TRERF1: variants seen among roughly 807,000 people sequenced by gnomAD.
TRERF1 encodes transcriptional regulating factor 1, also known as transcriptional-regulating factor 1.
In TRERF1, 27 loss-of-function variants were observed where a neutral mutation model predicts 122.9. That is an observed-to-expected ratio of 0.22 (90% CI 0.16 to 0.30). TRERF1 has a LOEUF of 0.30. Among genes scored for constraint, TRERF1 ranks in the 10% least tolerant of loss-of-function variants. The pLI is 1.00. For missense variants in TRERF1, 1,248 were observed against 1,560.3 expected, an observed-to-expected ratio of 0.80 and a Z score of 3.37; for synonymous variants, 636 against 641.7, an observed-to-expected ratio of 0.99 and a Z score of 0.13.
At chr6:42,451,746 C>T (rs1043817188) in intron 1 of TRERF1, among the ~76,000 whole-genome samples, 2 of 152,058 alleles carry the variant, frequency 1.3e-5, no homozygotes, top group Non-Finnish European at 2.9e-5. Flanking sequence ...AGCCCCCTTT[C>T]CCAGCCCTGC....
At chr6:42,312,592 T>C (rs1358613182) in intron 3 of TRERF1, among the ~76,000 whole-genome samples, 4 of 152,174 alleles carry the variant, frequency 2.6e-5, no homozygotes, top group African/African-American at 4.8e-5. Context: ...AAGCAGACAA[T>C]GCTGGCGCTG....
chr6:42,345,641 G>A (rs1768118977), intron 3 of TRERF1, among the ~76,000 whole-genome samples: 1 of 152,208 alleles, frequency 6.6e-6, no homozygotes, highest in Admixed American at 6.5e-5. Flanking sequence ...TCCAGAAAAT[G>A]TAAAGCTAAA....
exon 12 of TRERF1, chr6:42,256,793 G>A (rs1014385930): frequency 6.2e-7 from 1 of 1,614,226 alleles, no homozygotes; most frequent in Non-Finnish European, 8.5e-7. Flanking sequence ...CCTCCACCTG[G>A]CAATGCACTG....
At chr6:42,256,705 G>A in intron 12 of TRERF1, 23 bp downstream of exon 12, 17 of 1,598,262 alleles carry the variant, frequency 1.1e-5, no homozygotes, top group Non-Finnish European at 1.5e-5. Context: ...AATTTGTAAA[G>A]CCTCTTTTTC....
chr6:42,340,179 A>G (rs1208504304), intron 3 of TRERF1, among the ~76,000 whole-genome samples: 1 of 152,158 alleles, frequency 6.6e-6, no homozygotes, highest in Admixed American at 6.5e-5. Flanking sequence ...GAAATTACTC[A>G]TATTTTCAGG....
chr6:42,437,535 T>C (rs1785682558), intron 2 of TRERF1, among the ~76,000 whole-genome samples: 1 of 152,184 alleles, frequency 6.6e-6, no homozygotes, highest in South Asian at 2.1e-4. Context: ...AAAATGAGGC[T>C]CCAAGAGTTA....
rs571264767 is a variant in TRERF1, at chr6:42,385,120, G to C, written c.-453-22041C>G. Among the ~76,000 whole-genome samples the C allele has an allele frequency of 4.1e-3, 629 of 152,240 alleles. 1 individual carries two copies. Among genetic ancestry groups the C allele is most frequent in the Middle Eastern group, 0.01 (3 of 294 alleles). On this transcript the variant is annotated intron_variant, in intron 2 of 17. Coordinates refer to ENST00000372922, the Ensembl canonical transcript of TRERF1. ...AGCCTCCTGAGTAGCTGGGATTACA[G>C]GGTGTACCACCACGCCCGGCTAATT...
intron 2 of TRERF1, among the ~76,000 whole-genome samples, chr6:42,448,651 G>A (rs985267677): frequency 5.3e-5 from 8 of 152,152 alleles, no homozygotes; most frequent in African/African-American, 1.2e-4. Flanking sequence ...GGGAACTCAC[G>A]GATCAAACCA....
intron 2 of TRERF1, among the ~76,000 whole-genome samples, chr6:42,403,049 T>C (rs953566059): frequency 6.6e-6 from 1 of 151,606 alleles, no homozygotes; most frequent in Admixed American, 6.6e-5. Context: ...ACAGGGACAA[T>C]AAAGAAAGTA....
exon 7 of TRERF1, chr6:42,264,705 T>G (rs2149846132): frequency 7.4e-6 from 12 of 1,613,930 alleles, no homozygotes; most frequent in Non-Finnish European, 1.0e-5. Context: ...CCTGCTAACC[T>G]GTTTGAGGTT....
intron 2 of TRERF1, among the ~76,000 whole-genome samples, chr6:42,430,650 C>T (rs564744951): frequency 5.9e-5 from 9 of 152,218 alleles, no homozygotes; most frequent in African/African-American, 2.2e-4. Context: ...AATCCCAGCA[C>T]TTTGGGAGGC....
intron 5 of TRERF1, 37 bp from the exon 6 acceptor site, chr6:42,265,834 G>T: frequency 6.2e-7 from 1 of 1,607,764 alleles, no homozygotes; most frequent in Non-Finnish European, 8.5e-7. Flanking sequence ...AAAAAAAGAA[G>T]AGAAAAAAAC....
chr6:42,315,702 C>T (rs1356798741), intron 3 of TRERF1, among the ~76,000 whole-genome samples: 1 of 125,452 alleles, frequency 8.0e-6, no homozygotes, highest in Non-Finnish European at 1.7e-5. Flanking sequence ...GGGAGAGGAA[C>T]ACCACCCCCC....
Position 42,416,405 on chromosome 6 carries a change from C to A in TRERF1, c.-454+34772G>T, listed in dbSNP as rs141324171. Among the ~76,000 whole-genome samples the A allele has an allele frequency of 1.2e-4, 18 of 152,286 alleles. No homozygotes were observed. In the East Asian group the frequency reaches 2.9e-3, roughly 24 times the overall value. On this transcript the variant is annotated intron_variant, in intron 2 of 17. Coordinates refer to ENST00000372922, the Ensembl canonical transcript of TRERF1. ...AGGAGGTATCCAATTATTTCTATAGCAGTTTTTATTAGAAACGGATGTGTA... is the reference window on the plus strand; with the variant it reads ...AGGAGGTATCCAATTATTTCTATAGAAGTTTTTATTAGAAACGGATGTGTA...
chr6:42,416,005 G>C (rs577957388), intron 2 of TRERF1, among the ~76,000 whole-genome samples: 3 of 152,088 alleles, frequency 2.0e-5, no homozygotes, highest in African/African-American at 7.2e-5. Flanking sequence ...TGGTAGTGCT[G>C]AGATTATATG....
chr6:42,351,265 C>T (rs1025224983), intron 3 of TRERF1, among the ~76,000 whole-genome samples: 2 of 152,060 alleles, frequency 1.3e-5, no homozygotes, highest in South Asian at 4.2e-4. Flanking sequence ...GAGTTCACTC[C>T]CAAGAATATT....
chr6:42,386,409 T>C (rs1776823927), intron 2 of TRERF1, among the ~76,000 whole-genome samples: 2 of 151,942 alleles, frequency 1.3e-5, no homozygotes, highest in Non-Finnish European at 2.9e-5. Context: ...CGCCATTGCA[T>C]TCCAGCCTGG....
chr6:42,233,167 G>A (rs1046460108), intron 16 of TRERF1, among the ~76,000 whole-genome samples: 2 of 152,028 alleles, frequency 1.3e-5, no homozygotes, highest in Non-Finnish European at 2.9e-5. Context: ...TAGAAGTCAA[G>A]ACGTCAGGGG....
chr6:42,256,110 G>C (rs776658510), intron 12 of TRERF1, among the ~76,000 whole-genome samples: 13 of 138,598 alleles, frequency 9.4e-5, no homozygotes, highest in South Asian at 4.5e-4. Flanking sequence ...CAGCCTGGGC[G>C]ATAGAGTGAG....
Sources: allele counts gnomAD v4.1 joint callset (sites outside exome capture counted in the v4.1 genomes callset), GRCh38; gene constraint gnomAD v4.1.1; transcripts MANE v1.5; gene names NCBI Gene and HGNC (gene_info 2026-07-23, HGNC 2026-07-21).